SEPTIN11: variants seen among roughly 807,000 people sequenced by gnomAD.
The protein encoded by SEPTIN11 is septin 11, also known as septin-11.
Under a neutral mutation model 51.4 loss-of-function variants are expected in SEPTIN11, and 25 were observed. The ratio of observed to expected loss-of-function variants is 0.49; its 90% confidence interval spans 0.35 to 0.68. The LOEUF is 0.68. SEPTIN11 is among the 30% of genes least tolerant of loss of function. The probability of loss-of-function intolerance (pLI) is 0.00; values close to 1 mark genes in which losing one functional copy is unlikely to be tolerated. For missense variants in SEPTIN11, 381 were observed against 520.8 expected, an observed-to-expected ratio of 0.73 and a Z score of 2.61; for synonymous variants, 174 against 184.1, an observed-to-expected ratio of 0.95 and a Z score of 0.44.
chr4:77,009,485 C>T (rs1441088776), intron 3 of SEPTIN11, among the ~76,000 whole-genome samples: 1 of 152,106 alleles, frequency 6.6e-6, no homozygotes, highest in Admixed American at 6.5e-5. Flanking sequence ...AGAGGGAATA[C>T]ATAGAGTGAA....
intron 1 of SEPTIN11, among the ~76,000 whole-genome samples, chr4:76,954,066 A>G (rs548713560): frequency 2.4e-3 from 365 of 152,354 alleles, no homozygotes; most frequent in African/African-American, 8.3e-3. Flanking sequence ...GTGTTTGGGC[A>G]TGGGCCATCC....
intron 7 of SEPTIN11, among the ~76,000 whole-genome samples, chr4:77,022,166 G>A (rs1226311819): frequency 6.6e-6 from 1 of 152,146 alleles, no homozygotes; most frequent in Non-Finnish European, 1.5e-5. Flanking sequence ...TGTGGGAAAG[G>A]CCGTCTTCAG....
chr4:77,018,910 G>A (rs926571968), intron 5 of SEPTIN11, among the ~76,000 whole-genome samples: 6 of 152,078 alleles, frequency 3.9e-5, no homozygotes, highest in African/African-American at 9.7e-5. Context: ...CTACTGCATC[G>A]GCTAGCACAA....
At chr4:77,039,492 C>T, downstream of SEPTIN11, 2 of 985,334 alleles carry the variant, frequency 2.0e-6, no homozygotes, top group East Asian at 1.1e-4. Flanking sequence ...ACCCAGGGCC[C>T]ACAAACTTGA....
In SEPTIN11 at chr4:77,036,528, T is replaced by C. The variant is rs1727035113; in HGVS notation, c.*2016T>C. The C allele has an allele frequency of 7.2e-7, 1 of 1,389,232 alleles. No individual in the cohort carries two copies. Among genetic ancestry groups the C allele is most frequent in the South Asian group, 1.6e-5 (1 of 62,964 alleles). 86.1% of individuals were successfully genotyped at this position (1,389,232 alleles called of 1,614,324 possible). A position where few individuals can be genotyped will look rare whatever the true frequency, so the allele number is the denominator to read the frequency against. On this transcript the variant is annotated 3_prime_UTR_variant, in exon 10 of 10. Coordinates refer to ENST00000264893, the MANE Select transcript of SEPTIN11 (RefSeq NM_018243.4). ...AAAATGAGCATAACAACGAAAGGCATCCAGCTGACTTTTTGATTCCAAGAT... is the reference window on the plus strand; with the variant it reads ...AAAATGAGCATAACAACGAAAGGCACCCAGCTGACTTTTTGATTCCAAGAT...
chr4:77,009,601 A>G (rs986078207), intron 3 of SEPTIN11, among the ~76,000 whole-genome samples: 2 of 152,210 alleles, frequency 1.3e-5, no homozygotes, highest in African/African-American at 4.8e-5. Context: ...TGGGGAAAGC[A>G]TTCCTCACTG....
chr4:77,017,859 TGAAA>T (rs1435495988), intron 5 of SEPTIN11, among the ~76,000 whole-genome samples: 1 of 152,210 alleles, frequency 6.6e-6, no homozygotes, highest in Non-Finnish European at 1.5e-5. Context: ...TAAACCAATG[TGAAA>T]GAGTCAGTTG....
At chr4:76,977,010 T>G (rs983562787) in intron 1 of SEPTIN11, among the ~76,000 whole-genome samples, 41 of 152,306 alleles carry the variant, frequency 2.7e-4, no homozygotes, top group African/African-American at 9.6e-4. Context: ...TTAAGGTAGA[T>G]AAGCCCAGCT....
intron 9 of SEPTIN11, chr4:77,031,281 C>T (rs560305185): frequency 4.3e-6 from 1 of 233,978 alleles, no homozygotes; most frequent in South Asian, 1.2e-4. Flanking sequence ...CTTCAGCACC[C>T]TCTGAAGACA....
intron 2 of SEPTIN11, among the ~76,000 whole-genome samples, chr4:77,002,588 G>A (rs1724190100): frequency 6.6e-6 from 1 of 152,284 alleles, no homozygotes; most frequent in Non-Finnish European, 1.5e-5. Context: ...TACTTAAAAT[G>A]ACTCAAGTAC....
intron 1 of SEPTIN11, among the ~76,000 whole-genome samples, chr4:76,955,934 A>T (rs951602968): frequency 6.6e-6 from 1 of 152,126 alleles, no homozygotes; most frequent in Non-Finnish European, 1.5e-5. Context: ...CTGGGGGGGA[A>T]GATGGTAGGA....
chr4:76,974,592 A>G (rs369292382), intron 1 of SEPTIN11: 14 of 370,984 alleles, frequency 3.8e-5, no homozygotes, highest in East Asian at 2.9e-4. Context: ...CAGTAGAACT[A>G]AGGCGTTCTA....
intron 2 of SEPTIN11, 118 bp from the exon 3 acceptor site, chr4:77,005,482 TG>T: frequency 1.2e-6 from 1 of 840,376 alleles, no homozygotes; most frequent in Non-Finnish European, 1.8e-6. Context: ...GTGACATTTC[TG>T]GTGACAGTTT....
At chr4:76,988,727 A>G (rs939647108) in intron 1 of SEPTIN11, among the ~76,000 whole-genome samples, 1 of 152,244 alleles carries the variant, frequency 6.6e-6, no homozygotes, top group Non-Finnish European at 1.5e-5. Context: ...CTCGTGGATG[A>G]CTGGAGATGT....
chr4:77,009,315 C>G (rs1025639612), intron 3 of SEPTIN11, among the ~76,000 whole-genome samples: 9 of 152,244 alleles, frequency 5.9e-5, no homozygotes, highest in African/African-American at 2.2e-4. Context: ...ATGAATAGTT[C>G]AGTTTTGGAC....
At chr4:76,981,148 T>C (rs960908124) in intron 1 of SEPTIN11, among the ~76,000 whole-genome samples, 2 of 152,252 alleles carry the variant, frequency 1.3e-5, no homozygotes, top group Non-Finnish European at 2.9e-5. Flanking sequence ...TTTTATCATC[T>C]CTTTTTGAGA....
chr4:76,982,445 T>C (rs1722817405), intron 1 of SEPTIN11, among the ~76,000 whole-genome samples: 1 of 152,106 alleles, frequency 6.6e-6, no homozygotes, highest in Non-Finnish European at 1.5e-5. Flanking sequence ...TCCTGGCCTC[T>C]AGTGATTGCC....
At chr4:76,953,486 A>G (rs1721432266) in intron 1 of SEPTIN11, among the ~76,000 whole-genome samples, 2 of 152,196 alleles carry the variant, frequency 1.3e-5, no homozygotes, top group African/African-American at 4.8e-5. Context: ...GAGTACTGCC[A>G]ATAAAATGTT....
At chr4:76,982,959 T>G (rs10433889) in intron 1 of SEPTIN11, among the ~76,000 whole-genome samples, 59,057 of 151,900 alleles carry the variant, frequency 0.39, 11,767 homozygotes, top group Non-Finnish European at 0.43. Context: ...TTTTGTTTTT[T>G]TTTTAGCTGG....
Sources: allele counts gnomAD v4.1 joint callset (sites outside exome capture counted in the v4.1 genomes callset), GRCh38; gene constraint gnomAD v4.1.1; transcripts MANE v1.5; gene names NCBI Gene and HGNC (gene_info 2026-07-23, HGNC 2026-07-21).